The following ZPBP variants were observed in gnomAD, a reference collection of about 807,000 sequenced individuals.
ZPBP encodes zona pellucida binding protein.
ZPBP carries 26 observed loss-of-function variants against 44.8 expected under a neutral mutation model. The ratio of observed to expected loss-of-function variants is 0.58; its 90% CI spans 0.43 to 0.81. The LOEUF (loss-of-function observed/expected upper bound fraction) is 0.81, where lower values mean the gene tolerates loss of function less well. ZPBP is among the 30% of genes least tolerant of loss of function. The pLI, the probability that ZPBP is intolerant of heterozygous loss-of-function variation, is 0.00. For synonymous variants in ZPBP, 174 were observed against 153.2 expected (o/e 1.14, Z -1.00); for missense variants, 409 against 434.0 (o/e 0.94, Z 0.51).
At chr7:49,975,930 G>C (rs181346051) in intron 7 of ZPBP, among the ~76,000 whole-genome samples, 9 of 152,164 alleles carry the variant, frequency 5.9e-5, no homozygotes, top group Admixed American at 5.2e-4. Flanking sequence ...GCTTCTTTTG[G>C]ATAAATAAAG....
At chr7:50,047,089 G>A (rs1180366685) in intron 4 of ZPBP, among the ~76,000 whole-genome samples, 2 of 152,080 alleles carry the variant, frequency 1.3e-5, no homozygotes, top group Admixed American at 6.6e-5. Flanking sequence ...AAGGGGAGCT[G>A]AACAATGAGA....
chr7:49,952,518 A>G (rs1254207835), intron 7 of ZPBP, among the ~76,000 whole-genome samples: 1 of 152,054 alleles, frequency 6.6e-6, no homozygotes, highest in Admixed American at 6.6e-5. Flanking sequence ...AAATAAAGGT[A>G]AATGAGTTTT....
intron 2 of ZPBP, among the ~76,000 whole-genome samples, chr7:49,872,546 A>G (rs1224385727): frequency 6.6e-6 from 1 of 152,040 alleles, no homozygotes; most frequent in Non-Finnish European, 1.5e-5. Context: ...AAGATACACA[A>G]AAAAATACAA....
intron 2 of ZPBP, among the ~76,000 whole-genome samples, chr7:49,878,347 CT>C (rs1316312170): frequency 6.6e-6 from 1 of 152,138 alleles, no homozygotes; most frequent in Non-Finnish European, 1.5e-5. Flanking sequence ...TTCTGGGAAA[CT>C]TTTCTTTCTG....
chr7:50,076,520 G>T (rs573880480), intron 3 of ZPBP, among the ~76,000 whole-genome samples: 1 of 151,778 alleles, frequency 6.6e-6, no homozygotes, highest in South Asian at 2.1e-4. Context: ...AAAACCTAAA[G>T]ACTTCAAGAA....
intron 6 of ZPBP, among the ~76,000 whole-genome samples, chr7:49,994,011 C>T (rs1186581542): frequency 6.6e-6 from 1 of 152,196 alleles, no homozygotes; most frequent in African/African-American, 2.4e-5. Flanking sequence ...GAGGTCTTTC[C>T]ACATTCCTCT....
At chr7:49,977,266 C>A (rs1244372088) in intron 7 of ZPBP, among the ~76,000 whole-genome samples, 9 of 151,942 alleles carry the variant, frequency 5.9e-5, no homozygotes, top group Non-Finnish European at 1.2e-4. Context: ...AGAACAATGT[C>A]TTTGTGGGTC....
At position 50,093,113 on chromosome 7, in the gene ZPBP, T is replaced by C; in HGVS notation, c.82A>G (p.Ile28Val). 1 of 1,589,674 alleles carries C rather than the reference T, an allele frequency of 6.3e-7. No individual in the cohort carries two copies. The highest frequency in any genetic ancestry group is 1.1e-5 in the South Asian group (1 of 87,744). ...AAGSLLSRAA[I>V]LLFISAFLVR... ...AGGAAGGCGGAGATAAAGAGGAGGATGGCGGCCCGAGAGAGCAGGGAGCCG... is the reference window on the plus strand; with the variant it reads ...AGGAAGGCGGAGATAAAGAGGAGGACGGCGGCCCGAGAGAGCAGGGAGCCG... The change falls in exon 1 of 8, where the codon ATC becomes GTC. Residue 28 changes from isoleucine (I) to valine (V), a missense_variant. Ile to Val is a conservative substitution (Grantham distance 29, BLOSUM62 3). Transcript: ENST00000046087.
At position 50,005,736 on chromosome 7, in the gene ZPBP, G is replaced by A. The variant is rs565763623; in HGVS notation, c.783+12504C>T. 5.0e-4 allele frequency among the ~76,000 whole-genome samples: 76 copies of A among 150,760 alleles called. 1 individual carries two copies. In the South Asian group the frequency reaches 9.2e-3, roughly 18 times the overall value. ...AAAGAGGGCAAAAAAGCTCTAAGAC[G>A]TACAAAAAACCCCAAAATGTCAATA... On this transcript the variant is annotated intron_variant, in intron 6 of 7. Transcript: ENST00000046087.
intron 7 of ZPBP, among the ~76,000 whole-genome samples, chr7:49,970,466 C>CTTTTTTTTTTTTTTTTTTTTTTTTTTTTT (rs771955717): frequency 1.2e-5 from 1 of 85,200 alleles, no homozygotes; most frequent in African/African-American, 4.8e-5. Flanking sequence ...GCTGAATATA[C>CTTTTTTTTTTTTTTTTTTTTTTTTTTTTT]TTTTTTTTTT....
intron 6 of ZPBP, among the ~76,000 whole-genome samples, chr7:49,996,797 C>A (rs1234250350): frequency 6.6e-6 from 1 of 152,150 alleles, no homozygotes; most frequent in East Asian, 1.9e-4. Context: ...CTAGGAACAC[C>A]ATCATTAACT....
chr7:49,950,590 TTAA>T (rs949953273), intron 7 of ZPBP, among the ~76,000 whole-genome samples: 2 of 151,762 alleles, frequency 1.3e-5, no homozygotes, highest in African/African-American at 4.8e-5. Flanking sequence ...TTTATATGTG[TTAA>T]TATATGTGTA....
chr7:49,948,478 G>A (rs1487494982), intron 7 of ZPBP, among the ~76,000 whole-genome samples: 1 of 152,038 alleles, frequency 6.6e-6, no homozygotes. Flanking sequence ...TCACATGTCT[G>A]ATAAGTGGTT....
rs144977782 is a variant in ZPBP, at chr7:49,926,970, A to G, written n.411+8781T>C. Reference sequence around the variant, plus strand: ...GTGCTCAGTCTAGAAGCACAGACGCAGTGCAAACACAGTGGAATCAGAGTG... The same window carrying G: ...GTGCTCAGTCTAGAAGCACAGACGCGGTGCAAACACAGTGGAATCAGAGTG... On this transcript the variant is annotated intron_variant and non_coding_transcript_variant, in intron 1 of 2. Transcript: ENST00000465922. 1.7e-3 allele frequency among the ~76,000 whole-genome samples: 264 copies of G among 152,306 alleles called. 3 individuals carry two copies. Among genetic ancestry groups the G allele is most frequent in the African/African-American group, 5.9e-3 (247 of 41,572 alleles).
At chr7:50,042,266 G>A (rs1158299174) in intron 4 of ZPBP, among the ~76,000 whole-genome samples, 1 of 152,180 alleles carries the variant, frequency 6.6e-6, no homozygotes, top group Non-Finnish European at 1.5e-5. Flanking sequence ...ATATTATCCA[G>A]GAGAACTTCC....
chr7:50,075,792 C>T (rs931872733), intron 3 of ZPBP, among the ~76,000 whole-genome samples: 2 of 151,860 alleles, frequency 1.3e-5, no homozygotes, highest in African/African-American at 4.8e-5. Context: ...GCCCAGGACT[C>T]AATGGCTTTG....
chr7:50,061,838 G>A (rs755722228), intron 3 of ZPBP, among the ~76,000 whole-genome samples: 8 of 152,180 alleles, frequency 5.3e-5, no homozygotes, highest in Non-Finnish European at 1.0e-4. Flanking sequence ...AGGTTGCAGT[G>A]AGCAGAGATC....
intron 7 of ZPBP, among the ~76,000 whole-genome samples, chr7:49,968,138 A>C (rs1403870389): frequency 6.6e-6 from 1 of 152,104 alleles, no homozygotes; most frequent in Non-Finnish European, 1.5e-5. Flanking sequence ...GAATTATAAC[A>C]CATTTCTATA....
At chr7:49,957,859 G>C (rs894634113) in intron 7 of ZPBP, among the ~76,000 whole-genome samples, 3 of 152,150 alleles carry the variant, frequency 2.0e-5, no homozygotes, top group African/African-American at 4.8e-5. Flanking sequence ...AGAGCAGCAG[G>C]CATCTGACTC....
Sources: allele counts gnomAD v4.1 joint callset (sites outside exome capture counted in the v4.1 genomes callset), GRCh38; gene constraint gnomAD v4.1.1; transcripts MANE v1.5; gene names NCBI Gene and HGNC (gene_info 2026-07-23, HGNC 2026-07-21).